The following ABCC1 variants were observed in gnomAD, a reference collection of about 807,000 sequenced individuals.
ABCC1 encodes the protein ATP binding cassette subfamily C member 1 (ABCC1 blood group).
A neutral mutation model predicts 172.9 loss-of-function variants in ABCC1; 83 were observed. The observed-to-expected ratio is 0.48, with a 90% CI of 0.40 to 0.58. The LOEUF (loss-of-function observed/expected upper bound fraction) is 0.58. Ranked by LOEUF, ABCC1 falls within the 20% of genes least tolerant of loss-of-function variation. The probability of loss-of-function intolerance (pLI) is 0.00; values close to 1 mark genes in which losing one functional copy is unlikely to be tolerated. For synonymous variants in ABCC1, 937 were observed against 825.2 expected, an observed-to-expected ratio of 1.14 and a Z score of -2.32; for missense variants, 1,817 against 2,002.7, an observed-to-expected ratio of 0.91 and a Z score of 1.77.
intron 5 of ABCC1, among the ~76,000 whole-genome samples, chr16:16,026,904 GAGACTCAGTCTCAAAACAC>G (rs1361548327): frequency 6.6e-6 from 1 of 152,114 alleles, no homozygotes; most frequent in Non-Finnish European, 1.5e-5. Context: ...GCGACAGAGT[GAGACTCAGTCTCAAAACAC>G]AAAAAACAAA....
In ABCC1 at chr16:16,134,487, C is replaced by T. The variant is rs376860266; in HGVS notation, c.4104C>T (p.Phe1368=). The T allele has an allele frequency of 1.1e-4, 182 of 1,614,176 alleles. No individual in the cohort carries two copies. Among genetic ancestry groups the T allele is most frequent in the Non-Finnish European group, 1.4e-4 (171 of 1,180,030 alleles). The change falls in exon 28 of 31, where the codon TTC becomes TTT. Residue 1368 remains phenylalanine (F), a synonymous_variant. Transcript: ENST00000399410. ...AGATCGGCCTGCACGACCTCCGCTT[C>T]AAGATCACCATCATCCCCCAGGTGG... The part of the protein sequence containing the change: ...IAKIGLHDLR[F]KITIIPQDPV...
rs372067353 is a variant in ABCC1 at position 16,086,887 on chromosome 16, G to A, written c.2356G>A (p.Ala786Thr). 74 of 1,614,068 alleles carry A rather than the reference G, an allele frequency of 4.6e-5. No homozygotes were observed. Among genetic ancestry groups the A allele is most frequent in the Non-Finnish European group, 5.9e-5 (70 of 1,180,052 alleles). Residue 786 changes from alanine (A) to threonine (T), a missense_variant, in exon 18 of 31, where the codon GCT (alanine) becomes ACT (threonine). Physicochemically the swap from Ala to Thr is moderately conservative, Grantham distance 58. Transcript: ENST00000399410. ...VSLARAVYSN[A>T]DIYLFDDPLS... ...CCTGGCCCGGGCCGTGTACTCCAACGCTGACATTTACCTCTTCGATGATCC... is the reference window on the plus strand; with the variant it reads ...CCTGGCCCGGGCCGTGTACTCCAACACTGACATTTACCTCTTCGATGATCC...
chr16:16,031,751 T>A (rs1336587502), intron 5 of ABCC1, among the ~76,000 whole-genome samples: 1 of 152,096 alleles, frequency 6.6e-6, no homozygotes, highest in Non-Finnish European at 1.5e-5. Context: ...TTCTCTGACC[T>A]TCGTACACCA....
chr16:16,077,928 C>T (rs543051359), intron 15 of ABCC1, among the ~76,000 whole-genome samples: 2 of 152,272 alleles, frequency 1.3e-5, no homozygotes, highest in African/African-American at 2.4e-5. Context: ...GAGGCTGAGG[C>T]GGGCAGATCA....
chr16:16,104,910 G>A (rs2052001167), intron 20 of ABCC1, among the ~76,000 whole-genome samples: 1 of 152,132 alleles, frequency 6.6e-6, no homozygotes, highest in Non-Finnish European at 1.5e-5. Flanking sequence ...GGGGCTGCCC[G>A]GCAGCTCTGA....
At chr16:16,103,152 C>A (rs2051849521) in intron 20 of ABCC1, among the ~76,000 whole-genome samples, 1 of 151,972 alleles carries the variant, frequency 6.6e-6, no homozygotes, top group Non-Finnish European at 1.5e-5. Context: ...GAGTTTGAGA[C>A]CACAGTGGGT....
intron 1 of ABCC1, among the ~76,000 whole-genome samples, chr16:15,978,365 CTCAA>C (rs1171834977): frequency 5.3e-5 from 8 of 151,578 alleles, no homozygotes; most frequent in Admixed American, 2.6e-4. Flanking sequence ...GAAACCCCAT[CTCAA>C]ACAAACAAAC....
chr16:16,136,404 G>A (rs558029615), intron 28 of ABCC1, 74 bp from the exon 29 acceptor site: 512 of 1,539,912 alleles, frequency 3.3e-4, no homozygotes, highest in Non-Finnish European at 4.0e-4. Context: ...CTGGCCAGAA[G>A]TCCTTAGGTC....
rs368407602 is a variant in ABCC1 at position 16,090,473 on chromosome 16, C to T, written c.2529C>T (p.Gly843=). Reference sequence around the variant, plus strand: ...TGGACGTCATCATCGTCATGAGTGGCGGCAAGATCTCTGAGATGGGCTCCT... The same window carrying T: ...TGGACGTCATCATCGTCATGAGTGGTGGCAAGATCTCTGAGATGGGCTCCT... The part of the protein sequence containing the change: ...PQVDVIIVMS[G]GKISEMGSYQ... The change falls in exon 19 of 31, where the codon GGC becomes GGT. Residue 843 remains glycine, a synonymous_variant. Coordinates refer to ENST00000399410, the MANE Select transcript of ABCC1 (RefSeq NM_004996.4). The T allele has an allele frequency of 1.5e-5, 24 of 1,613,682 alleles. No homozygotes were observed. Among genetic ancestry groups the T allele is most frequent in the African/African-American group, 1.5e-4 (11 of 74,928 alleles).
At chr16:16,061,108 A>G (rs985986453) in intron 12 of ABCC1, among the ~76,000 whole-genome samples, 1 of 151,928 alleles carries the variant, frequency 6.6e-6, no homozygotes, top group Non-Finnish European at 1.5e-5. Flanking sequence ...TATTTTTAGT[A>G]GAGATGGGGT....
At chr16:15,974,186 A>C (rs1436935884) in intron 1 of ABCC1, among the ~76,000 whole-genome samples, 1 of 152,160 alleles carries the variant, frequency 6.6e-6, no homozygotes, top group African/African-American at 2.4e-5. Flanking sequence ...CTTGGTGACC[A>C]CATGCTTTGG....
chr16:16,139,380 G>C (rs1308701454), intron 30 of ABCC1, among the ~76,000 whole-genome samples: 1 of 151,990 alleles, frequency 6.6e-6, no homozygotes, highest in Non-Finnish European at 1.5e-5. Flanking sequence ...GGGAGGCCGA[G>C]GCAGGCAGAT....
At chr16:16,004,745 C>G (rs748393072) in intron 1 of ABCC1, among the ~76,000 whole-genome samples, 5 of 150,422 alleles carry the variant, frequency 3.3e-5, no homozygotes, top group Non-Finnish European at 4.4e-5. Flanking sequence ...ACCTTTGCCT[C>G]CCGGGTTCAG....
At chr16:16,012,121 G>GCA (rs1295343371) in intron 3 of ABCC1, among the ~76,000 whole-genome samples, 6 of 152,278 alleles carry the variant, frequency 3.9e-5, no homozygotes, top group African/African-American at 1.2e-4. Flanking sequence ...ATTCTATATA[G>GCA]CACACATATG....
intron 7 of ABCC1, among the ~76,000 whole-genome samples, chr16:16,038,992 T>C (rs985443056): frequency 1.3e-5 from 2 of 152,154 alleles, no homozygotes; most frequent in Non-Finnish European, 2.9e-5. Flanking sequence ...ACTGAGCAGA[T>C]GAAACTGACT....
At chr16:15,973,208 C>T (rs2046408184) in intron 1 of ABCC1, among the ~76,000 whole-genome samples, 1 of 152,000 alleles carries the variant, frequency 6.6e-6, no homozygotes. Context: ...TATTTATGTG[C>T]TTACTTTAAT....
At chr16:16,072,343 T>G (rs188342797) in intron 14 of ABCC1, among the ~76,000 whole-genome samples, 394 of 151,858 alleles carry the variant, frequency 2.6e-3, no homozygotes, top group African/African-American at 9.1e-3. Flanking sequence ...GCACCATACT[T>G]GGATAATATT....
At chr16:16,078,374 A>G (rs1654442614) in intron 15 of ABCC1, among the ~76,000 whole-genome samples, 1 of 151,962 alleles carries the variant, frequency 6.6e-6, no homozygotes, top group African/African-American at 2.4e-5. Context: ...AGCTTATTTT[A>G]TTTTGCTTTC....
In ABCC1 at chr16:16,008,583, G is replaced by A. The variant is rs577051535; in HGVS notation, c.225+591G>A. On this transcript the variant is annotated intron_variant, in intron 2 of 30. Coordinates refer to ENST00000399410, the MANE Select transcript of ABCC1 (RefSeq NM_004996.4). ...AAAATTGCAATAATGGGCCAGGCGT[G>A]GTGGCTCACGCCTGTAATCCCAGCA... Among the ~76,000 whole-genome samples, 4 of 151,764 alleles carry A rather than the reference G, an allele frequency of 2.6e-5. No individual in the cohort carries two copies. The South Asian group carries it at 8.3e-4, about 32-fold the overall frequency.
Sources: allele counts gnomAD v4.1 joint callset (sites outside exome capture counted in the v4.1 genomes callset), GRCh38; gene constraint gnomAD v4.1.1; transcripts MANE v1.5; gene names NCBI Gene and HGNC (gene_info 2026-07-23, HGNC 2026-07-21).